Variants in DYNC1I2 observed in about 807,000 individuals in gnomAD.
DYNC1I2 encodes dynein cytoplasmic 1 intermediate chain 2.
A neutral mutation model predicts 88.6 loss-of-function variants in DYNC1I2; 53 were observed. The ratio of observed to expected loss-of-function variants is 0.60; its 90% CI spans 0.48 to 0.75. DYNC1I2 has a LOEUF of 0.75. Among genes scored for constraint, DYNC1I2 ranks in the 30% least tolerant of loss-of-function variants. DYNC1I2 has a pLI of 0.00. For missense variants in DYNC1I2, 458 were observed against 766.6 expected (o/e 0.60, Z 4.75); for synonymous variants, 198 against 254.6 (o/e 0.78, Z 2.12).
intron 15 of DYNC1I2, among the ~76,000 whole-genome samples, chr2:171,735,536 A>G (rs1432381670): frequency 6.6e-6 from 1 of 152,262 alleles, no homozygotes; most frequent in Non-Finnish European, 1.5e-5. Context: ...TCTGGTTCCA[A>G]GCATTTCTGA....
chr2:171,707,585 ATTAAC>A (rs1686782914), intron 5 of DYNC1I2, among the ~76,000 whole-genome samples: 1 of 152,166 alleles, frequency 6.6e-6, no homozygotes, highest in Non-Finnish European at 1.5e-5. Flanking sequence ...GTCACATTTA[ATTAAC>A]TTAGTACTAA....
chr2:171,716,118 AAAAG>A (rs1461703639), intron 7 of DYNC1I2, among the ~76,000 whole-genome samples: 1 of 152,174 alleles, frequency 6.6e-6, no homozygotes, highest in East Asian at 1.9e-4. Context: ...ATACAAAAAA[AAAAG>A]ATTTATGTGA....
intron 5 of DYNC1I2, among the ~76,000 whole-genome samples, chr2:171,711,012 TC>T (rs1298548885): frequency 7.3e-6 from 1 of 136,732 alleles, no homozygotes; most frequent in Non-Finnish European, 1.6e-5. Context: ...ATGCTATCCC[TC>T]CCCCCTCCCC....
chr2:171,696,122 A>G (rs1246265194), intron 3 of DYNC1I2, among the ~76,000 whole-genome samples: 3 of 152,158 alleles, frequency 2.0e-5, no homozygotes, highest in Non-Finnish European at 4.4e-5. Context: ...TGTCTGTTTT[A>G]GTCTTTTTAA....
chr2:171,703,295 G>T (rs1248271867), intron 3 of DYNC1I2, among the ~76,000 whole-genome samples: 2 of 152,108 alleles, frequency 1.3e-5, no homozygotes. Context: ...GAATACAGTG[G>T]TGCAACCATG....
chr2:171,747,757 A>G lies in DYNC1I2; in HGVS notation c.1804-19A>G, dbSNP rs752025932. 3 of 1,542,240 alleles carry G rather than the reference A, an allele frequency of 1.9e-6. No homozygotes were observed. The highest frequency in any genetic ancestry group is 3.4e-5 in the Admixed American group (2 of 58,852). ...TCTTTTATTTCATTGTATATAAAAC[A>G]TTGTCTTTCTTTTAACAGCAGATTG... On this transcript the variant is annotated intron_variant, in intron 17 of 17. Transcript: ENST00000397119.
At chr2:171,692,118 C>T (rs1254747310) in intron 2 of DYNC1I2, among the ~76,000 whole-genome samples, 2 of 152,126 alleles carry the variant, frequency 1.3e-5, no homozygotes, top group African/African-American at 2.4e-5. Flanking sequence ...GGAAAGCTTA[C>T]ATTTTACTTG....
intron 15 of DYNC1I2, among the ~76,000 whole-genome samples, chr2:171,737,969 G>T (rs1166339996): frequency 1.3e-5 from 2 of 151,916 alleles, no homozygotes; most frequent in East Asian, 3.8e-4. Flanking sequence ...ATAAATACAA[G>T]TAAGTTTTAA....
chr2:171,736,552 A>G (rs1689021588), intron 15 of DYNC1I2, among the ~76,000 whole-genome samples: 1 of 152,192 alleles, frequency 6.6e-6, no homozygotes, highest in Non-Finnish European at 1.5e-5. Flanking sequence ...TTGAATGTTT[A>G]ATGGCACCAA....
chr2:171,713,031 G>A (rs1284172577), intron 6 of DYNC1I2, among the ~76,000 whole-genome samples: 1 of 152,112 alleles, frequency 6.6e-6, no homozygotes, highest in South Asian at 2.1e-4. Flanking sequence ...GTCCATTTAA[G>A]TGTCCAAATG....
intron 15 of DYNC1I2, among the ~76,000 whole-genome samples, chr2:171,738,684 AC>A (rs1689181049): frequency 6.6e-6 from 1 of 152,194 alleles, no homozygotes. Flanking sequence ...GAAGAAGTAC[AC>A]TATCACCTCA....
At chr2:171,689,780 C>T (rs183714615) in intron 1 of DYNC1I2, among the ~76,000 whole-genome samples, 99 of 151,844 alleles carry the variant, frequency 6.5e-4, no homozygotes, top group African/African-American at 2.0e-3. Flanking sequence ...GGCATGATCA[C>T]GGCTCACTGC....
chr2:171,702,011 A>C (rs964203794), intron 3 of DYNC1I2, among the ~76,000 whole-genome samples: 1 of 152,222 alleles, frequency 6.6e-6, no homozygotes, highest in Admixed American at 6.5e-5. Context: ...TTTGAAAAAC[A>C]AGCCAAATGT....
In DYNC1I2 at chr2:171,725,928, A is replaced by G; in HGVS notation, c.617A>G (p.His206Arg). 6.4e-7 allele frequency: 1 copy of G among 1,572,148 alleles called. No individual in the cohort carries two copies. The highest frequency in any genetic ancestry group is 1.4e-5 in the African/African-American group (1 of 72,566). The change falls in exon 9 of 18, where the codon CAT becomes CGT. Residue 206 changes from histidine to arginine, a missense_variant. Physicochemically the swap from His to Arg is conservative, Grantham distance 29. Around this residue, in one of 5 missense-constraint regions of DYNC1I2, gnomAD observed 203 missense variants for 354.2 expected, o/e 0.57. Transcript: ENST00000397119. ...ATTATTTATTTTCCAGCTCCCCCTC[A>G]TGAGCTGACTGAAGAAGAAAAGCAA... ...DEENDSKAPP[H>R]ELTEEEKQQI...
intron 7 of DYNC1I2, among the ~76,000 whole-genome samples, chr2:171,721,782 A>T (rs959068479): frequency 1.2e-4 from 19 of 152,162 alleles, no homozygotes; most frequent in African/African-American, 3.6e-4. Context: ...ATGCACCAGT[A>T]CAATAAAACT....
chr2:171,711,042 C>CACCGG (rs1218045952), intron 5 of DYNC1I2, among the ~76,000 whole-genome samples: 1 of 147,916 alleles, frequency 6.8e-6, no homozygotes, highest in Non-Finnish European at 1.5e-5. Flanking sequence ...CGACAGGCCC[C>CACCGG]GGTATGTGAT....
At chr2:171,712,540 GT>G in intron 5 of DYNC1I2, 1 of 477,192 alleles carries the variant, frequency 2.1e-6, no homozygotes, top group Non-Finnish European at 3.7e-6. Flanking sequence ...ATTCTGGGTT[GT>G]ATGCTTGCAT....
chr2:171,742,650 G>GGAAT (rs1252435793), intron 15 of DYNC1I2, among the ~76,000 whole-genome samples: 1 of 152,058 alleles, frequency 6.6e-6, no homozygotes, highest in Non-Finnish European at 1.5e-5. Context: ...TAGGAGGGAG[G>GGAAT]GAATGGGCAA....
At chr2:171,692,628 A>T in intron 2 of DYNC1I2, 149 bp from the exon 3 acceptor site, 4 of 558,686 alleles carry the variant, frequency 7.2e-6, no homozygotes, top group Non-Finnish European at 1.3e-5. Flanking sequence ...AATGATTTTC[A>T]TTTAATGACT....
Sources: allele counts gnomAD v4.1 joint callset (sites outside exome capture counted in the v4.1 genomes callset), GRCh38; gene constraint gnomAD v4.1.1; regional missense constraint gnomAD v4.1.1; transcripts MANE v1.5; gene names NCBI Gene and HGNC (gene_info 2026-07-23, HGNC 2026-07-21).